The following ITPR2 variants were observed in gnomAD, a reference collection of about 807,000 sequenced individuals.
The protein encoded by ITPR2 is inositol 1,4,5-trisphosphate-gated calcium channel ITPR2.
A neutral mutation model predicts 317.1 loss-of-function variants in ITPR2; 207 were observed. The ratio of observed to expected loss-of-function variants is 0.65; its 90% CI spans 0.58 to 0.73. The LOEUF is 0.73. ITPR2 is among the 30% of genes least tolerant of loss of function. The pLI, the probability that ITPR2 is intolerant of heterozygous loss-of-function variation, is 0.00. For synonymous variants in ITPR2, 1,156 were observed against 1,149.1 expected (o/e 1.01, Z -0.12); for missense variants, 2,613 against 3,284.0 (o/e 0.80, Z 4.99).
chr12:26,610,893 G>A (rs1946248329), intron 26 of ITPR2, among the ~76,000 whole-genome samples: 1 of 152,216 alleles, frequency 6.6e-6, no homozygotes, highest in South Asian at 2.1e-4. Flanking sequence ...CAGGCTACAA[G>A]CCAAGCAACA....
intron 2 of ITPR2, among the ~76,000 whole-genome samples, chr12:26,774,998 C>T (rs1292990515): frequency 1.3e-5 from 2 of 152,286 alleles, no homozygotes; most frequent in Middle Eastern, 3.4e-3. Flanking sequence ...TCAGTTGCTT[C>T]CACCAGGATT....
intron 2 of ITPR2, among the ~76,000 whole-genome samples, chr12:26,730,721 G>A (rs1949012262): frequency 6.6e-6 from 1 of 152,148 alleles, no homozygotes. Flanking sequence ...AACAGTTATG[G>A]AAGGAAATTA....
rs1326335932 is a variant in ITPR2 at position 26,336,926 on chromosome 12, G to A, written c.*2471C>T. On this transcript the variant is annotated 3_prime_UTR_variant, in exon 57 of 57. Transcript: ENST00000381340. ...CATTATCTTCTCCTCTTCTTCATTA[G>A]GAATTTGATGTTCTGAAAAGTGCCT... is the stretch of plus-strand genomic sequence containing the variant. 6.7e-6 allele frequency: 1 copy of A among 149,796 alleles called. No homozygotes were observed. The highest frequency in any genetic ancestry group is 6.6e-5 in the Admixed American group (1 of 15,046). The allele number at this position is 149,796 out of a possible 1,614,324, so 9.3% of individuals were successfully genotyped here. A position where few individuals can be genotyped will look rare whatever the true frequency, so the allele number is the denominator to read the frequency against.
intron 9 of ITPR2, among the ~76,000 whole-genome samples, chr12:26,696,999 G>A (rs1948364048): frequency 6.6e-6 from 1 of 152,202 alleles, no homozygotes; most frequent in Non-Finnish European, 1.5e-5. Context: ...ATGGTGTGAA[G>A]AGAGAAAAGG....
Position 26,590,370 on chromosome 12 carries a change from C to CA in ITPR2, c.4380+5094dup, listed in dbSNP as rs1945668687. On this transcript the variant is annotated intron_variant, in intron 32 of 56. Transcript: ENST00000381340. ...TGTTGCTGGAGAAAAAATAACTAGG[C>CA]AAAAAATGTAATAAGGAAAAACTTG... Among the ~76,000 whole-genome samples, 5 of 152,048 alleles carry CA rather than the reference C, an allele frequency of 3.3e-5. No homozygotes were observed. The South Asian group carries it at 1.0e-3, about 32-fold the overall frequency.
intron 37 of ITPR2, among the ~76,000 whole-genome samples, chr12:26,523,322 C>T (rs1323608751): frequency 1.4e-4 from 22 of 152,128 alleles, no homozygotes; most frequent in Non-Finnish European, 2.9e-5. Flanking sequence ...TTAATTTGTT[C>T]AACATTAAAA....
intron 13 of ITPR2, among the ~76,000 whole-genome samples, chr12:26,670,755 C>A (rs1947749324): frequency 6.6e-6 from 1 of 152,116 alleles, no homozygotes; most frequent in Admixed American, 6.5e-5. Flanking sequence ...CTACTCCGAG[C>A]TACAGGAGGA....
intron 1 of ITPR2, among the ~76,000 whole-genome samples, chr12:26,805,994 A>C (rs1373499293): frequency 1.3e-5 from 2 of 152,186 alleles, no homozygotes; most frequent in East Asian, 3.9e-4. Flanking sequence ...GAATAGATAG[A>C]CTGGTGGGGA....
At position 26,722,604 on chromosome 12, in the gene ITPR2, G is replaced by A. The variant is rs374751963; in HGVS notation, c.367-49C>T. 4.8e-5 allele frequency: 65 copies of A among 1,361,998 alleles called. No individual in the cohort carries two copies. The East Asian group carries it at 7.4e-4, about 16-fold the overall frequency. The allele number at this position is 1,361,998 out of a possible 1,614,324, so 84.4% of individuals were successfully genotyped here. A position where few individuals can be genotyped will look rare whatever the true frequency, so the allele number is the denominator to read the frequency against. On this transcript the variant is annotated intron_variant, in intron 4 of 56. Coordinates refer to ENST00000381340, the MANE Select transcript of ITPR2 (RefSeq NM_002223.4). ...CCACCTTTATTCTTTGTTCTCCTCTGTTAATTACATTCATATGTTTTATAC... is the reference window on the plus strand; with the variant it reads ...CCACCTTTATTCTTTGTTCTCCTCTATTAATTACATTCATATGTTTTATAC...
At chr12:26,727,436 A>G (rs894202152) in intron 2 of ITPR2, among the ~76,000 whole-genome samples, 1 of 152,258 alleles carries the variant, frequency 6.6e-6, no homozygotes, top group Non-Finnish European at 1.5e-5. Context: ...GGAAAGAGAA[A>G]AAATTGTGTT....
intron 55 of ITPR2, among the ~76,000 whole-genome samples, chr12:26,356,403 G>A (rs2136568370): frequency 6.6e-6 from 1 of 152,300 alleles, no homozygotes; most frequent in South Asian, 2.1e-4. Flanking sequence ...GCCCAGCCAT[G>A]GAATTCCCAG....
At chr12:26,486,048 A>G in intron 41 of ITPR2, 56 bp downstream of exon 41, 1 of 1,573,218 alleles carries the variant, frequency 6.4e-7, no homozygotes, top group Non-Finnish European at 8.7e-7. Context: ...ATTTGAATTT[A>G]ATTACTGATA....
intron 2 of ITPR2, among the ~76,000 whole-genome samples, chr12:26,753,435 T>C (rs1013642381): frequency 6.6e-6 from 1 of 152,102 alleles, no homozygotes; most frequent in Admixed American, 6.5e-5. Context: ...AGGGGAAACT[T>C]GAGAGCTGAT....
Position 26,427,978 on chromosome 12 carries a change from T to C in ITPR2, c.6880A>G (p.Ile2294Val), listed in dbSNP as rs755389834. Residue 2294 changes from isoleucine (I) to valine (V), a missense_variant, in exon 49 of 57, where the codon ATA (isoleucine) becomes GTA (valine). Ile to Val is a conservative substitution (Grantham distance 29, BLOSUM62 3). Coordinates refer to ENST00000381340, the MANE Select transcript of ITPR2 (RefSeq NM_002223.4). ...ATTGTATATATTGATCTGAGCATTA[T>C]TGATACAAGAAACGGCCGAATACCC... ...PVGIRPFLVS[I>V]MLRSIYTIGL... 5.6e-6 allele frequency: 9 copies of C among 1,613,266 alleles called. No homozygotes were observed. Among genetic ancestry groups the C allele is most frequent in the South Asian group, 3.3e-5 (3 of 90,974 alleles).
At chr12:26,463,404 C>T (rs903888732) in intron 45 of ITPR2, among the ~76,000 whole-genome samples, 14 of 152,050 alleles carry the variant, frequency 9.2e-5, no homozygotes, top group Non-Finnish European at 1.6e-4. Context: ...CGGTGGCTCA[C>T]GCCTGTAATC....
At chr12:26,382,482 T>G (rs1419987133) in intron 55 of ITPR2, among the ~76,000 whole-genome samples, 3 of 152,162 alleles carry the variant, frequency 2.0e-5, no homozygotes, top group Non-Finnish European at 4.4e-5. Flanking sequence ...CTGGCCAATG[T>G]GGTGAAACCC....
intron 32 of ITPR2, among the ~76,000 whole-genome samples, chr12:26,592,093 C>G (rs752010920): frequency 3.3e-5 from 5 of 152,162 alleles, no homozygotes; most frequent in African/African-American, 4.8e-5. Flanking sequence ...ATCCAGTCAT[C>G]TGCAACAACA....
At chr12:26,492,621 T>C (rs781178059) in intron 39 of ITPR2, among the ~76,000 whole-genome samples, 7 of 152,322 alleles carry the variant, frequency 4.6e-5, no homozygotes, top group Middle Eastern at 3.4e-3. Flanking sequence ...TTTTTAAAAA[T>C]CATTCATCCA....
intron 49 of ITPR2, among the ~76,000 whole-genome samples, chr12:26,420,236 T>G (rs1008300503): frequency 6.6e-6 from 1 of 152,148 alleles, no homozygotes; most frequent in African/African-American, 2.4e-5. Flanking sequence ...ATTACAGATT[T>G]CAAGGGTTTA....
Sources: allele counts gnomAD v4.1 joint callset (sites outside exome capture counted in the v4.1 genomes callset), GRCh38; gene constraint gnomAD v4.1.1; transcripts MANE v1.5; gene names NCBI Gene and HGNC (gene_info 2026-07-23, HGNC 2026-07-21).